The following SYT1 variants were observed in gnomAD, a reference collection of about 807,000 sequenced individuals.
SYT1 encodes synaptotagmin-1.
In SYT1, 8 loss-of-function variants were observed where a neutral mutation model predicts 44.8. The observed-to-expected ratio is 0.18, with a 90% CI of 0.10 to 0.32. SYT1 has a LOEUF of 0.32. Ranked by LOEUF, SYT1 falls within the 10% of genes least tolerant of loss-of-function variation. The pLI is 1.00. For missense variants in SYT1, 286 were observed against 509.3 expected, an observed-to-expected ratio of 0.56 and a Z score of 4.22; for synonymous variants, 154 against 188.8, an observed-to-expected ratio of 0.82 and a Z score of 1.51.
chr12:79,159,475 GAGAGAC>G (rs1689086497), intron 3 of SYT1, among the ~76,000 whole-genome samples: 1 of 152,156 alleles, frequency 6.6e-6, no homozygotes, highest in South Asian at 2.1e-4. Flanking sequence ...TTGAGACAGA[GAGAGAC>G]AGAGAGATAG....
intron 9 of SYT1, among the ~76,000 whole-genome samples, chr12:79,409,131 G>A (rs987271021): frequency 6.6e-6 from 1 of 151,992 alleles, no homozygotes; most frequent in African/African-American, 2.4e-5. Flanking sequence ...CCAGCATACT[G>A]TCCCTTGCTA....
At chr12:79,424,732 T>C (rs1451692980) in intron 9 of SYT1, among the ~76,000 whole-genome samples, 1 of 152,116 alleles carries the variant, frequency 6.6e-6, no homozygotes, top group African/African-American at 2.4e-5. Flanking sequence ...CTATTTTGAT[T>C]TTCTCAAAAT....
intron 7 of SYT1, among the ~76,000 whole-genome samples, chr12:79,299,171 A>G (rs1957369314): frequency 6.6e-6 from 1 of 152,138 alleles, no homozygotes; most frequent in Admixed American, 6.6e-5. Context: ...ACTTTGAGAT[A>G]AGGCAATAAA....
chr12:79,302,450 A>T (rs561137473), intron 8 of SYT1, among the ~76,000 whole-genome samples: 1 of 152,334 alleles, frequency 6.6e-6, no homozygotes, highest in East Asian at 1.9e-4. Context: ...TAATTGTGTA[A>T]CTTAAAGGAT....
At chr12:78,872,536 A>G (rs1873877229) in intron 1 of SYT1, among the ~76,000 whole-genome samples, 1 of 151,898 alleles carries the variant, frequency 6.6e-6, no homozygotes, top group African/African-American at 2.4e-5. Flanking sequence ...AGAATGATAT[A>G]GGAATTCCTT....
chr12:78,987,398 G>C (rs781226727), intron 2 of SYT1, among the ~76,000 whole-genome samples: 2 of 151,982 alleles, frequency 1.3e-5, no homozygotes, highest in Non-Finnish European at 2.9e-5. Context: ...AAAAGACCTC[G>C]CAGGCTATGC....
At chr12:78,962,332 CTT>C (rs35875550) in intron 1 of SYT1, among the ~76,000 whole-genome samples, 59 of 130,090 alleles carry the variant, frequency 4.5e-4, no homozygotes, top group Middle Eastern at 4.5e-3. Flanking sequence ...AGCATTCTTT[CTT>C]TTTTTTTTTT....
intron 7 of SYT1, among the ~76,000 whole-genome samples, chr12:79,297,636 AT>A (rs1480495050): frequency 6.6e-6 from 1 of 152,122 alleles, no homozygotes; most frequent in Non-Finnish European, 1.5e-5. Context: ...ATCAAGTTTC[AT>A]TTTATTTCAG....
intron 2 of SYT1, among the ~76,000 whole-genome samples, chr12:79,015,811 T>C (rs539402517): frequency 6.6e-6 from 1 of 152,182 alleles, no homozygotes; most frequent in Non-Finnish European, 1.5e-5. Flanking sequence ...CTATTTAATG[T>C]ATTCTGCTAG....
intron 3 of SYT1, among the ~76,000 whole-genome samples, chr12:79,060,391 T>C (rs1251635919): frequency 6.6e-6 from 1 of 152,048 alleles, no homozygotes; most frequent in Non-Finnish European, 1.5e-5. Flanking sequence ...ACATTCACAC[T>C]GTTGTTTGAT....
chr12:79,280,881 C>T lies in SYT1; in HGVS notation c.167-4906C>T, dbSNP rs1879013662. On this transcript the variant is annotated intron_variant, in intron 4 of 10. Coordinates refer to ENST00000261205, the MANE Select transcript of SYT1 (RefSeq NM_005639.3). ...CAAAAGAAGCCATACAAGTGGCCAA[C>T]AAACATATGAAAAAAATGCTCCACA... 2.0e-5 allele frequency among the ~76,000 whole-genome samples: 3 copies of T among 150,604 alleles called. No individual in the cohort carries two copies. The South Asian group carries it at 6.3e-4, about 32-fold the overall frequency.
chr12:79,118,129 C>G (rs922227706), intron 3 of SYT1, among the ~76,000 whole-genome samples: 3 of 151,646 alleles, frequency 2.0e-5, no homozygotes, highest in African/African-American at 4.9e-5. Context: ...GCTGATCTAG[C>G]CTGTTGTTTG....
rs1402358027 is a variant in SYT1, at chr12:79,368,403, G to A, written c.928+14784G>A. Among the ~76,000 whole-genome samples, 8 of 152,068 alleles carry A rather than the reference G, an allele frequency of 5.3e-5. No individual in the cohort carries two copies. The East Asian group carries it at 1.4e-3, about 26-fold the overall frequency. Reference sequence around the variant, plus strand: ...AGCAGCATGATTTATAGTCCTTTGGGTATATACCCAGTAATGGGATGGCTG... The same window carrying A: ...AGCAGCATGATTTATAGTCCTTTGGATATATACCCAGTAATGGGATGGCTG... On this transcript the variant is annotated intron_variant, in intron 9 of 10. Coordinates refer to ENST00000261205, the MANE Select transcript of SYT1 (RefSeq NM_005639.3).
rs150456383 is a variant in SYT1, at chr12:79,433,446, C to A, written c.929-10627C>A. Among the ~76,000 whole-genome samples, 6 of 152,240 alleles carry A rather than the reference C, an allele frequency of 3.9e-5. No individual in the cohort carries two copies. The East Asian group carries it at 9.7e-4, about 24-fold the overall frequency. On this transcript the variant is annotated intron_variant, in intron 9 of 10. Coordinates refer to ENST00000261205, the MANE Select transcript of SYT1 (RefSeq NM_005639.3). ...TCCTAGCAGCAATGTTACCAAGTAACAGTGTTACTGATATTATTTCATCAA... is the reference window on the plus strand; with the variant it reads ...TCCTAGCAGCAATGTTACCAAGTAAAAGTGTTACTGATATTATTTCATCAA...
At chr12:79,259,607 A>C (rs1264172928) in intron 4 of SYT1, among the ~76,000 whole-genome samples, 5 of 152,170 alleles carry the variant, frequency 3.3e-5, no homozygotes, top group African/African-American at 9.6e-5. Flanking sequence ...TGTGTCATGC[A>C]CCTGTGGTCC....
intron 3 of SYT1, among the ~76,000 whole-genome samples, chr12:79,190,728 G>C (rs923823155): frequency 6.6e-6 from 1 of 152,052 alleles, no homozygotes; most frequent in Non-Finnish European, 1.5e-5. Context: ...CTAATATCAT[G>C]GATTGATGGA....
At chr12:79,188,116 C>G (rs1203465586) in intron 3 of SYT1, among the ~76,000 whole-genome samples, 1 of 152,052 alleles carries the variant, frequency 6.6e-6, no homozygotes, top group Non-Finnish European at 1.5e-5. Flanking sequence ...TATTGTGCTG[C>G]TTTTTAAAAT....
Position 78,989,976 on chromosome 12 carries a change from G to C in SYT1, c.-84+12045G>C, listed in dbSNP as rs553695108. Among the ~76,000 whole-genome samples the C allele has an allele frequency of 1.0e-3, 157 of 152,196 alleles. 1 individual carries two copies. The highest frequency in any genetic ancestry group is 3.7e-3 in the African/African-American group (152 of 41,528). On this transcript the variant is annotated intron_variant, in intron 2 of 10. Coordinates refer to ENST00000261205, the MANE Select transcript of SYT1 (RefSeq NM_005639.3). ...TGGAAGAAACAGATTATATCAGCCT[G>C]ATAAGGGGATAGACAGACCTGTTGA...
intron 1 of SYT1, among the ~76,000 whole-genome samples, chr12:78,906,466 A>T (rs961981753): frequency 6.6e-6 from 1 of 152,146 alleles, no homozygotes; most frequent in Admixed American, 6.6e-5. Flanking sequence ...AGAGAAGCAG[A>T]TAGATGTACT....
Sources: gnomAD v4.1 joint callset for allele counts (sites outside exome capture counted in the v4.1 genomes callset) on GRCh38, gnomAD v4.1.1 for gene constraint, MANE v1.5 for transcripts, NCBI Gene and HGNC (gene_info 2026-07-23, HGNC 2026-07-21) for gene names.